The following PRPF6 variants were observed in gnomAD, a reference collection of about 807,000 sequenced individuals.
PRPF6 encodes pre-mRNA-processing factor 6.
A neutral mutation model predicts 118.3 loss-of-function variants in PRPF6; 42 were observed. That is an observed-to-expected ratio of 0.35 (90% CI 0.28 to 0.46). PRPF6 has a LOEUF of 0.46. Among genes scored for constraint, PRPF6 ranks in the 20% least tolerant of loss-of-function variants. The pLI, the probability that PRPF6 is intolerant of heterozygous loss-of-function variation, is 1.00. For synonymous variants in PRPF6, 481 were observed against 485.1 expected, an observed-to-expected ratio of 0.99 and a Z score of 0.11; for missense variants, 662 against 1,255.7, an observed-to-expected ratio of 0.53 and a Z score of 7.15.
intron 11 of PRPF6, among the ~76,000 whole-genome samples, chr20:64,014,797 C>T (rs921736320): frequency 1.3e-5 from 2 of 152,202 alleles, no homozygotes; most frequent in African/African-American, 2.4e-5. Context: ...AGTCATCGAA[C>T]GTAAAGTGTT....
intron 2 of PRPF6, 78 bp downstream of exon 2, chr20:63,983,293 T>C (rs2122968597): frequency 6.4e-7 from 1 of 1,564,700 alleles, no homozygotes; most frequent in Non-Finnish European, 8.8e-7. Flanking sequence ...TGTTGGTGTC[T>C]GTAATGAATG....
intron 3 of PRPF6, among the ~76,000 whole-genome samples, chr20:63,989,228 C>G (rs983493547): frequency 1.3e-5 from 2 of 152,090 alleles, no homozygotes; most frequent in African/African-American, 2.4e-5. Context: ...TCACCACATA[C>G]AAAAATCAAA....
intron 11 of PRPF6, among the ~76,000 whole-genome samples, chr20:64,013,525 C>T (rs2059224455): frequency 6.6e-6 from 1 of 152,068 alleles, no homozygotes; most frequent in Admixed American, 6.6e-5. Flanking sequence ...TGGCTCACTG[C>T]ATCCTTGACC....
At chr20:63,982,920 C>A in intron 1 of PRPF6, 127 bp from the exon 2 acceptor site, 1 of 1,151,122 alleles carries the variant, frequency 8.7e-7, no homozygotes, top group Non-Finnish European at 1.3e-6. Context: ...AGTTCATTGT[C>A]ACCAGGATCT....
At chr20:63,999,852 G>A in intron 8 of PRPF6, 93 bp downstream of exon 8, 1 of 1,495,802 alleles carries the variant, frequency 6.7e-7, no homozygotes, top group Non-Finnish European at 9.1e-7. Flanking sequence ...TTTGTCTTTT[G>A]GTATTGAAAC....
Position 64,016,862 on chromosome 20 carries a change from G to A in PRPF6, c.1647+17G>A. 6.2e-7 allele frequency: 1 copy of A among 1,614,120 alleles called. No individual in the cohort carries two copies. The highest frequency in any genetic ancestry group is 8.5e-7 in the Non-Finnish European group (1 of 1,180,010). On this transcript the variant is annotated intron_variant, in intron 12 of 20. Coordinates refer to ENST00000266079, the MANE Select transcript of PRPF6 (RefSeq NM_012469.4). ...GCTGACAGTGTGAGTTGGCAACAGGGGCCTTTGTCCGTAATATGGAGTCTC... is the reference window on the plus strand; with the variant it reads ...GCTGACAGTGTGAGTTGGCAACAGGAGCCTTTGTCCGTAATATGGAGTCTC...
rs1027995995 is a variant in PRPF6, at chr20:64,027,563, T to C, written c.2206-40T>C. The C allele has an allele frequency of 1.9e-5, 31 of 1,613,830 alleles. No homozygotes were observed. The highest frequency in any genetic ancestry group is 2.6e-5 in the Non-Finnish European group (31 of 1,179,976). On this transcript the variant is annotated intron_variant, in intron 16 of 20. Coordinates refer to ENST00000266079, the MANE Select transcript of PRPF6 (RefSeq NM_012469.4). The surrounding 1 kb of genome is among the most constrained non-coding windows in gnomAD (Gnocchi z 6.5). Reference sequence around the variant, plus strand: ...GGCATGGCTGTGTCCCAGTTCTTCATAGACACCACCTGAGCTGCTCTCTTA... The same window carrying C: ...GGCATGGCTGTGTCCCAGTTCTTCACAGACACCACCTGAGCTGCTCTCTTA...
chr20:63,981,406 G>A lies in PRPF6; in HGVS notation c.71+90G>A, dbSNP rs575852012. 10 of 1,281,912 alleles carry A rather than the reference G, an allele frequency of 7.8e-6. No individual in the cohort carries two copies. The East Asian group carries it at 1.0e-4, about 13-fold the overall frequency. 79.4% of individuals were successfully genotyped at this position (1,281,912 alleles called of 1,614,324 possible). The stretch of plus-strand genomic sequence containing the variant: ...TGTTTGGGGGCGGGGGTCTATGGCC[G>A]CGCAGTCTGAAAGACGCTTGGTGGA... On this transcript the variant is annotated intron_variant, in intron 1 of 20. Coordinates refer to ENST00000266079, the MANE Select transcript of PRPF6 (RefSeq NM_012469.4).
At chr20:63,988,281 C>A (rs1468576167) in intron 3 of PRPF6, among the ~76,000 whole-genome samples, 1 of 151,072 alleles carries the variant, frequency 6.6e-6, no homozygotes, top group East Asian at 1.9e-4. Context: ...GATTGCACCA[C>A]TGCACTCCAG....
At position 64,028,555 on chromosome 20, in the gene PRPF6, A is replaced by AGTGCCCCAACTCCGGTAAGGGG; in HGVS notation, c.2425_2431+15dup. The AGTGCCCCAACTCCGGTAAGGGG allele has an allele frequency of 6.2e-7, 1 of 1,613,370 alleles. No homozygotes were observed. Among genetic ancestry groups the AGTGCCCCAACTCCGGTAAGGGG allele is most frequent in the South Asian group, 1.1e-5 (1 of 91,068 alleles). On this transcript the variant is annotated frameshift_variant, in exon 18 of 21. Transcript: ENST00000266079. LOFTEE classifies it high-confidence loss of function. This position sits in a 1 kb window ranked among gnomAD's most constrained non-coding sequence, Gnocchi z 6.5. ...ACACTCATGGCCAAGGCGCTGCAGG[A>AGTGCCCCAACTCCGGTAAGGGG]GTGCCCCAACTCCGGTAAGGGGGTG...
In PRPF6 at chr20:63,997,288, CT is replaced by C. The variant is rs928046111; in HGVS notation, c.772-1737del. ...ATGGTGCAGCATGCGTCAGCATGTT[CT>C]TTTTTTTTTTTTTTTTTTTGAGACA... is the stretch of plus-strand genomic sequence containing the variant. On this transcript the variant is annotated intron_variant, in intron 6 of 20. Transcript: ENST00000266079. Among the ~76,000 whole-genome samples the C allele has an allele frequency of 7.5e-3, 845 of 112,668 alleles. 6 individuals carry two copies. The highest frequency in any genetic ancestry group is 0.071 in the South Asian group (227 of 3,180). 73.9% of individuals were successfully genotyped at this position (112,668 alleles called of 152,430 possible). A position where few individuals can be genotyped will look rare whatever the true frequency, so the allele number is the denominator to read the frequency against.
chr20:64,000,556 C>T (rs1261755738), intron 8 of PRPF6, among the ~76,000 whole-genome samples: 1 of 150,622 alleles, frequency 6.6e-6, no homozygotes. Flanking sequence ...GCTCTTTTCA[C>T]AAAGTGGTGT....
chr20:63,983,074 C>T lies in PRPF6; in HGVS notation c.99C>T (p.Asp33=). The T allele has an allele frequency of 6.2e-7, 1 of 1,614,218 alleles. No individual in the cohort carries two copies. Among genetic ancestry groups the T allele is most frequent in the Non-Finnish European group, 8.5e-7 (1 of 1,180,050 alleles). ...CCACTGGCTTCACCACGCGGTCAGA[C>T]ATTGGGCCCGCCCGTGATGCAAATG... ...RGATGFTTRS[D]IGPARDANDP... is the part of the protein sequence containing the mutation. Residue 33 remains aspartate (D), a synonymous_variant, in exon 2 of 21, where the codon GAC becomes GAT. Transcript: ENST00000266079.
At chr20:63,992,121 C>A (rs557385444) in intron 3 of PRPF6, among the ~76,000 whole-genome samples, 5 of 151,910 alleles carry the variant, frequency 3.3e-5, no homozygotes, top group African/African-American at 1.2e-4. Flanking sequence ...TTTTGTTTTG[C>A]GACAAGGTCT....
At chr20:64,003,930 A>G (rs1362950883) in intron 9 of PRPF6, among the ~76,000 whole-genome samples, 1 of 152,336 alleles carries the variant, frequency 6.6e-6, no homozygotes, top group East Asian at 1.9e-4. Flanking sequence ...GTGGCCAGGA[A>G]CAGAAAGTTA....
rs965919005 is a variant in PRPF6 at position 64,027,388 on chromosome 20, G to A, written c.2206-215G>A. Among the ~76,000 whole-genome samples the A allele has an allele frequency of 6.6e-6, 1 of 152,154 alleles. No homozygotes were observed. The highest frequency in any genetic ancestry group is 6.5e-5 in the Admixed American group (1 of 15,276). The stretch of plus-strand genomic sequence containing the variant: ...CAGAAGTGCAGAGTGTGGCACACCT[G>A]CAGTAAAGGCTGGTACGTACAGACC... On this transcript the variant is annotated intron_variant, in intron 16 of 20. Coordinates refer to ENST00000266079, the MANE Select transcript of PRPF6 (RefSeq NM_012469.4). The surrounding 1 kb of genome is among the most constrained non-coding windows in gnomAD (Gnocchi z 6.5).
In PRPF6 at chr20:64,027,491, C is replaced by A. The variant is rs1471100203; in HGVS notation, c.2206-112C>A. The A allele has an allele frequency of 6.7e-7, 1 of 1,483,296 alleles. No homozygotes were observed. Among genetic ancestry groups the A allele is most frequent in the Admixed American group, 1.7e-5 (1 of 59,770 alleles). 91.9% of individuals were successfully genotyped at this position (1,483,296 alleles called of 1,614,324 possible). A position where few individuals can be genotyped will look rare whatever the true frequency, so the allele number is the denominator to read the frequency against. Reference sequence around the variant, plus strand: ...AGTGTGAGGGGTGTTTTTCCATGGACATGGCAGCCCTGAGGGACTCGGTCA... The same window carrying A: ...AGTGTGAGGGGTGTTTTTCCATGGAAATGGCAGCCCTGAGGGACTCGGTCA... On this transcript the variant is annotated intron_variant, in intron 16 of 20. Coordinates refer to ENST00000266079, the MANE Select transcript of PRPF6 (RefSeq NM_012469.4). This position sits in a 1 kb window ranked among gnomAD's most constrained non-coding sequence, Gnocchi z 6.5.
chr20:64,001,523 T>C (rs1280751981), intron 9 of PRPF6, among the ~76,000 whole-genome samples: 1 of 152,186 alleles, frequency 6.6e-6, no homozygotes, highest in Admixed American at 6.5e-5. Context: ...GGTCCAGGCT[T>C]CCCTCATCTG....
In PRPF6 at chr20:64,026,935, T is replaced by C; in HGVS notation, c.2029-47T>C. 1.2e-6 allele frequency: 2 copies of C among 1,608,916 alleles called. No individual in the cohort carries two copies. Among genetic ancestry groups the C allele is most frequent in the Non-Finnish European group, 1.7e-6 (2 of 1,175,996 alleles). On this transcript the variant is annotated intron_variant, in intron 15 of 20. Coordinates refer to ENST00000266079, the MANE Select transcript of PRPF6 (RefSeq NM_012469.4). The surrounding 1 kb of genome is among the most constrained non-coding windows in gnomAD (Gnocchi z 4.4). ...GAGGATGAGTGTACCATGAAGCACG[T>C]ACCCTGGAGCTGATGCCCTGCGTGA...
Sources: gnomAD v4.1 joint callset for allele counts (sites outside exome capture counted in the v4.1 genomes callset) on GRCh38, gnomAD v4.1.1 for gene constraint, Gnocchi (gnomAD v3.1) non-coding constraint, MANE v1.5 for transcripts, NCBI Gene and HGNC (gene_info 2026-07-23, HGNC 2026-07-21) for gene names.